CLUH: variants seen among roughly 807,000 people sequenced by gnomAD.
CLUH encodes CLUH binding protein of NUMT mRNA.
A neutral mutation model predicts 139.3 loss-of-function variants in CLUH; 77 were observed. That is an observed-to-expected ratio of 0.55 (90% CI 0.46 to 0.67). The LOEUF (loss-of-function observed/expected upper bound fraction) is 0.67. Among genes scored for constraint, CLUH ranks in the 30% least tolerant of loss-of-function variants. CLUH has a pLI of 0.00. For synonymous variants in CLUH, 999 were observed against 801.6 expected (o/e 1.25, Z -4.16); for missense variants, 1,876 against 1,875.8 (o/e 1.00, Z 0.00).
In CLUH at chr17:2,698,209, C is replaced by T. The variant is rs1377488907; in HGVS notation, c.1648G>A (p.Val550Met). 1 of 1,581,198 alleles carries T rather than the reference C, an allele frequency of 6.3e-7. No homozygotes were observed. ...YGSIDFGKTV[V>M]SHPRYLELLE... is the part of the protein sequence containing the mutation. The stretch of plus-strand genomic sequence containing the variant: ...AGCTCCAGGTACCGCGGGTGTGACA[C>T]CACGGTCTTGCCGAAGTCGATGGAG... Residue 550 changes from valine to methionine, a missense_variant, in exon 10 of 26, where the codon GTG becomes ATG. Coordinates refer to ENST00000651024, the MANE Select transcript of CLUH (RefSeq NM_001366661.1).
At chr17:2,702,238 C>G (rs2070212722) in intron 3 of CLUH, among the ~76,000 whole-genome samples, 181 bp from the exon 4 acceptor site, 1 of 152,192 alleles carries the variant, frequency 6.6e-6, no homozygotes, top group Admixed American at 6.5e-5. Flanking sequence ...ACCACAAACA[C>G]ACACACACAC....
intron 14 of CLUH, 44 bp downstream of exon 14, chr17:2,695,330 C>T: frequency 6.2e-7 from 1 of 1,613,474 alleles, no homozygotes; most frequent in South Asian, 1.1e-5. Flanking sequence ...GCCTCCATCC[C>T]AGTCCCACAG....
chr17:2,690,067 T>A lies in CLUH; in HGVS notation c.*527A>T, dbSNP rs1567571846. ...TCCAGCCCCGCCACAGAGCTCCGGC[T>A]CCCCACCCCTCCCCACCGGGTTTTT... On this transcript the variant is annotated 3_prime_UTR_variant, in exon 26 of 26. Transcript: ENST00000651024. The A allele has an allele frequency of 6.6e-6, 1 of 150,674 alleles. No individual in the cohort carries two copies. Among genetic ancestry groups the A allele is most frequent in the South Asian group, 2.1e-4 (1 of 4,712 alleles). 9.3% of individuals were successfully genotyped at this position (150,674 alleles called of 1,614,324 possible).
rs753753555 is a variant in CLUH at position 2,692,612 on chromosome 17, G to C, written c.3397C>G (p.Leu1133Val). 6.2e-7 allele frequency: 1 copy of C among 1,612,874 alleles called. No individual in the cohort carries two copies. ...LLYRARYLML[L>V]VFGEDHPEMA... ...TCGGGGTGGTCTTCCCCGAACACCAGCAGCATGAGGTAGCGGGCGCGGTAC... is the reference window on the plus strand; with the variant it reads ...TCGGGGTGGTCTTCCCCGAACACCACCAGCATGAGGTAGCGGGCGCGGTAC... The change falls in exon 21 of 26, where the codon CTG becomes GTG. Residue 1133 changes from leucine (L) to valine (V), a missense_variant. Leu to Val is a conservative substitution (Grantham distance 32). This residue lies in a region of CLUH where 1,454 missense variants were observed against 1,384.4 expected (regional missense o/e 1.05). Transcript: ENST00000651024.
Position 2,692,764 on chromosome 17 carries a change from G to T in CLUH, c.3312+16C>A. 1 of 1,599,168 alleles carries T rather than the reference G, an allele frequency of 6.3e-7. No individual in the cohort carries two copies. The highest frequency in any genetic ancestry group is 8.5e-7 in the Non-Finnish European group (1 of 1,170,040). ...GCCCCTCGCATCCCCCGGCGCGGGC[G>T]GCACTCGCGACTCACGTATTCCTGG... On this transcript the variant is annotated intron_variant, in intron 20 of 25. Transcript: ENST00000651024.
Position 2,701,955 on chromosome 17 carries a change from G to A in CLUH, c.578C>T (p.Ser193Phe). 1 of 1,614,004 alleles carries A rather than the reference G, an allele frequency of 6.2e-7. No homozygotes were observed. Among genetic ancestry groups the A allele is most frequent in the Non-Finnish European group, 8.5e-7 (1 of 1,179,912 alleles). ...GGTGAAGACACTCAGGAAGGACAAG[G>A]AGTTGCAGTCAACCCCGTTGAAGGC... ...SDAFNGVDCN[S>F]LSFLSVFTDG... The change falls in exon 4 of 26, where the codon TCC becomes TTC. Residue 193 changes from serine to phenylalanine, a missense_variant. Ser to Phe is a radical substitution (Grantham distance 155, BLOSUM62 -2). Transcript: ENST00000651024.
rs766344825 is a variant in CLUH at position 2,704,559 on chromosome 17, G to A, written c.106C>T (p.Pro36Ser). The A allele has an allele frequency of 9.0e-6, 14 of 1,557,026 alleles. No homozygotes were observed. The highest frequency in any genetic ancestry group is 8.7e-6 in the Non-Finnish European group (10 of 1,151,478). The part of the protein sequence containing the change: ...GKGRPGAAEL[P>S]SVMLLNGDCP... The stretch of plus-strand genomic sequence containing the variant: ...TCCCCGTTTAAGAGCATGACTGATG[G>A]CAGCTCTGCGGGTGACAAGAACGGG... The change falls in exon 2 of 26, where the codon CCA (proline) becomes TCA (serine). Residue 36 changes from proline to serine, a missense_variant. By Grantham distance (74) the Pro-to-Ser change is moderately conservative. Around this residue, in one of 3 missense-constraint regions of CLUH, gnomAD observed 152 missense variants for 136.7 expected, o/e 1.11. Transcript: ENST00000651024. The surrounding 1 kb of genome is among the most constrained non-coding windows in gnomAD (Gnocchi z 5.7).
chr17:2,697,842 G>A (rs1202435341), intron 10 of CLUH, 54 bp downstream of exon 10: 10 of 1,421,596 alleles, frequency 7.0e-6, no homozygotes, highest in Middle Eastern at 2.5e-4. Context: ...CACCCAGGGC[G>A]CCCGCACTCC....
chr17:2,697,272 G>A (rs540448709), intron 10 of CLUH, among the ~76,000 whole-genome samples: 5 of 152,252 alleles, frequency 3.3e-5, no homozygotes, highest in South Asian at 2.1e-4. Context: ...GGTGGTGCAC[G>A]CCTGTAATAC....
At chr17:2,695,547 G>T (rs1371337310) in intron 13 of CLUH, 21 bp from the exon 14 acceptor site, 13 of 1,573,384 alleles carry the variant, frequency 8.3e-6, no homozygotes, top group Non-Finnish European at 1.1e-5. Context: ...CAGCAGCTCA[G>T]GCCCCCACCC....
In CLUH at chr17:2,711,686, C is replaced by G. The variant is rs569445396; in HGVS notation, c.-25G>C. ...TGGTGGCGGGAGCGGGCGTCCGCCT[C>G]GGCTGTCCGCGCCGCCCGCCGCGCC... On this transcript the variant is annotated 5_prime_UTR_variant, in exon 1 of 26. Transcript: ENST00000651024. The G allele has an allele frequency of 2.2e-4, 212 of 947,480 alleles. 1 individual carries two copies. The South Asian group carries it at 9.2e-3, about 41-fold the overall frequency. The allele number at this position is 947,480 out of a possible 1,614,324, so 58.7% of individuals were successfully genotyped here.
At chr17:2,697,299 T>C (rs947135030) in intron 10 of CLUH, among the ~76,000 whole-genome samples, 3 of 151,274 alleles carry the variant, frequency 2.0e-5, no homozygotes, top group African/African-American at 7.3e-5. Flanking sequence ...TTCGGGAGGC[T>C]CAGACAGGAG....
In CLUH at chr17:2,707,483, G is replaced by A; in HGVS notation, c.101-2919C>T. On this transcript the variant is annotated intron_variant, in intron 1 of 25. Coordinates refer to ENST00000651024, the MANE Select transcript of CLUH (RefSeq NM_001366661.1). This position sits in a 1 kb window ranked among gnomAD's most constrained non-coding sequence, Gnocchi z 7.4. ...ACCCGGTGGCCCCAGGACCCCAGGG[G>A]GAGCTGCTATCAGCACTCAGGCCCA... 1 of 985,384 alleles carries A rather than the reference G, an allele frequency of 1.0e-6. No homozygotes were observed. The allele number at this position is 985,384 out of a possible 1,614,324, so 61.0% of individuals were successfully genotyped here.
chr17:2,704,619 G>C lies in CLUH; in HGVS notation c.101-55C>G. ...GGCAGCCTCGCTGGTCGGCGGGGCT[G>C]TCCGCCTGACCCCACACGGGGACAC... On this transcript the variant is annotated intron_variant, in intron 1 of 25. Transcript: ENST00000651024. The surrounding 1 kb of genome is among the most constrained non-coding windows in gnomAD (Gnocchi z 5.7). 2 of 1,474,122 alleles carry C rather than the reference G, an allele frequency of 1.4e-6. No homozygotes were observed. Among genetic ancestry groups the C allele is most frequent in the Non-Finnish European group, 1.8e-6 (2 of 1,101,846 alleles). 91.3% of individuals were successfully genotyped at this position (1,474,122 alleles called of 1,614,324 possible).
rs1227806931 is a variant in CLUH, at chr17:2,694,582, G to A, written c.2853-18C>T. 3 of 1,559,294 alleles carry A rather than the reference G, an allele frequency of 1.9e-6. No homozygotes were observed. The Admixed American group carries it at 5.7e-5, about 30-fold the overall frequency. On this transcript the variant is annotated intron_variant, in intron 16 of 25. Transcript: ENST00000651024. ...CGGTCTCACTGAGGAGGGAGCAGGG[G>A]GCCTGAGCAGCCCAAGCACCGCCGG...
chr17:2,697,724 G>A (rs892469658), intron 10 of CLUH, among the ~76,000 whole-genome samples, 172 bp downstream of exon 10: 14 of 152,202 alleles, frequency 9.2e-5, no homozygotes, highest in African/African-American at 3.1e-4. Context: ...TTCTGCGCTC[G>A]GGAGCCTGAC....
At chr17:2,694,089 C>T (rs776055970) in intron 18 of CLUH, 34 bp downstream of exon 18, 1 of 1,613,866 alleles carries the variant, frequency 6.2e-7, no homozygotes, top group South Asian at 1.1e-5. Context: ...CATGGGGAAC[C>T]CCCACCTCCA....
intron 22 of CLUH, 65 bp downstream of exon 22, chr17:2,692,296 C>T: frequency 1.4e-6 from 2 of 1,476,556 alleles, no homozygotes; most frequent in Non-Finnish European, 1.8e-6. Context: ...GGGTCTCTTC[C>T]CCGCCCCCGC....
chr17:2,695,027 G>C lies in CLUH; in HGVS notation c.2682C>G (p.Pro894=), dbSNP rs780232465. 2.5e-6 allele frequency: 4 copies of C among 1,613,542 alleles called. No individual in the cohort carries two copies. Among genetic ancestry groups the C allele is most frequent in the African/African-American group, 2.7e-5 (2 of 75,048 alleles). The part of the protein sequence containing the change: ...LNCFLSSYPN[P]VAHLPADELV... Reference sequence around the variant, plus strand: ...GCTCGTCGGCGGGCAGGTGGGCCACGGGGTTTGGGTAGGAGCTCAGGAAGC... The same window carrying C: ...GCTCGTCGGCGGGCAGGTGGGCCACCGGGTTTGGGTAGGAGCTCAGGAAGC... The change falls in exon 16 of 26, where the codon CCC becomes CCG. Residue 894 remains proline, a synonymous_variant. Transcript: ENST00000651024.
Sources: allele counts gnomAD v4.1 joint callset (sites outside exome capture counted in the v4.1 genomes callset), GRCh38; gene constraint gnomAD v4.1.1; regional missense constraint gnomAD v4.1.1; non-coding constraint Gnocchi (gnomAD v3.1); transcripts MANE v1.5; gene names NCBI Gene and HGNC (gene_info 2026-07-23, HGNC 2026-07-21).